Variants in EYA1 observed in about 807,000 individuals in gnomAD.
The protein encoded by EYA1 is EYA transcriptional coactivator and phosphatase 1.
In EYA1, 16 loss-of-function variants were observed where a neutral mutation model predicts 82.0. The observed-to-expected ratio is 0.20, with a 90% CI of 0.13 to 0.30. EYA1 has a LOEUF of 0.30. Ranked by LOEUF, EYA1 falls within the 10% of genes least tolerant of loss-of-function variation. The pLI, the probability that EYA1 is intolerant of heterozygous loss-of-function variation, is 1.00. For missense variants in EYA1, 633 were observed against 730.7 expected (o/e 0.87, Z 1.54); for synonymous variants, 261 against 264.4 (o/e 0.99, Z 0.12).
chr8:71,486,011 A>C (rs1467182565), intron 2 of EYA1, among the ~76,000 whole-genome samples: 1 of 152,216 alleles, frequency 6.6e-6, no homozygotes, highest in African/African-American at 2.4e-5. Context: ...AATAGAGTTT[A>C]ATTAGCACCA....
chr8:71,246,432 C>T (rs374455525), intron 11 of EYA1, among the ~76,000 whole-genome samples: 1 of 152,158 alleles, frequency 6.6e-6, no homozygotes, highest in Non-Finnish European at 1.5e-5. Flanking sequence ...GACTTTGATT[C>T]GATACTGCCC....
chr8:71,265,156 GT>G (rs1040667084), intron 11 of EYA1, among the ~76,000 whole-genome samples: 2 of 147,516 alleles, frequency 1.4e-5, no homozygotes, highest in Non-Finnish European at 3.0e-5. Flanking sequence ...TCAAGTTTTT[GT>G]TTTTGTTTTG....
chr8:71,519,470 G>C (rs991883893), intron 2 of EYA1, among the ~76,000 whole-genome samples: 1 of 151,954 alleles, frequency 6.6e-6, no homozygotes, highest in Non-Finnish European at 1.5e-5. Flanking sequence ...AAAATATAGA[G>C]AGTTGACTAA....
chr8:71,488,278 A>G (rs974588238), intron 2 of EYA1, among the ~76,000 whole-genome samples: 11 of 151,994 alleles, frequency 7.2e-5, no homozygotes, highest in African/African-American at 2.7e-4. Flanking sequence ...ATAAAAAATA[A>G]GGATATAGGA....
intron 2 of EYA1, among the ~76,000 whole-genome samples, chr8:71,385,036 G>C (rs549749405): frequency 6.6e-6 from 1 of 151,374 alleles, no homozygotes; most frequent in Non-Finnish European, 1.5e-5. Context: ...TTGAGACAGC[G>C]TCTCACTCTG....
chr8:71,368,984 C>T (rs901883900), intron 2 of EYA1, among the ~76,000 whole-genome samples: 2 of 144,678 alleles, frequency 1.4e-5, no homozygotes, highest in African/African-American at 2.6e-5. Context: ...GTCAGGAGTT[C>T]GAGACCAGCC....
At chr8:71,536,685 T>A (rs898987261) in intron 1 of EYA1, among the ~76,000 whole-genome samples, 14 of 152,338 alleles carry the variant, frequency 9.2e-5, no homozygotes, top group African/African-American at 2.9e-4. Flanking sequence ...CATGTAATTT[T>A]AAGCAAAAAG....
At chr8:71,393,444 C>G (rs559465922) in intron 2 of EYA1, among the ~76,000 whole-genome samples, 11 of 152,242 alleles carry the variant, frequency 7.2e-5, no homozygotes, top group East Asian at 1.9e-4. Context: ...ATCCCTCCCC[C>G]CTCCAACCAC....
At chr8:71,461,444 G>A (rs895148058) in intron 2 of EYA1, among the ~76,000 whole-genome samples, 5 of 152,108 alleles carry the variant, frequency 3.3e-5, no homozygotes, top group Admixed American at 2.6e-4. Context: ...CAGCTTCCAC[G>A]GCTAGCAACG....
chr8:71,529,511 A>G (rs1451721784), intron 2 of EYA1: 1 of 152,192 alleles, frequency 6.6e-6, no homozygotes, highest in Non-Finnish European at 1.5e-5. Flanking sequence ...AGGATCAGAT[A>G]TGTGCTTTCA....
At chr8:71,217,174 G>A (rs1563635122) in intron 12 of EYA1, 151 bp from the exon 13 acceptor site, 1 of 657,070 alleles carries the variant, frequency 1.5e-6, no homozygotes, top group Non-Finnish European at 2.7e-6. Flanking sequence ...TTGTAAAATT[G>A]ACATTTTTAC....
chr8:71,289,315 A>G (rs750172620), intron 9 of EYA1, among the ~76,000 whole-genome samples: 1 of 152,210 alleles, frequency 6.6e-6, no homozygotes, highest in African/African-American at 2.4e-5. Flanking sequence ...CTGCTTTTAT[A>G]ATTCAGTGAA....
intron 1 of EYA1, among the ~76,000 whole-genome samples, chr8:71,541,580 T>C (rs1359325601): frequency 6.6e-6 from 1 of 152,210 alleles, no homozygotes; most frequent in Admixed American, 6.5e-5. Flanking sequence ...TATTTTAATA[T>C]AGTACTTACT....
At chr8:71,336,054 CCTAG>C (rs149090289) in intron 3 of EYA1, among the ~76,000 whole-genome samples, 4,122 of 152,174 alleles carry the variant, frequency 0.027, 186 homozygotes, top group African/African-American at 0.094. Context: ...AGACAAACTC[CCTAG>C]TCAGTATTGT....
intron 2 of EYA1, among the ~76,000 whole-genome samples, chr8:71,526,360 G>A (rs1025830285): frequency 1.3e-5 from 2 of 151,954 alleles, no homozygotes; most frequent in African/African-American, 4.8e-5. Context: ...CAAAAATACT[G>A]ATTATCAATT....
At chr8:71,212,697 A>T (rs1195512768) in intron 16 of EYA1, among the ~76,000 whole-genome samples, 1 of 152,212 alleles carries the variant, frequency 6.6e-6, no homozygotes, top group African/African-American at 2.4e-5. Context: ...ATTCATTTTG[A>T]TGAGTCCATT....
chr8:71,306,242 AAAG>A (rs1467667020), intron 7 of EYA1, among the ~76,000 whole-genome samples: 8 of 134,304 alleles, frequency 6.0e-5, no homozygotes, highest in African/African-American at 2.2e-4. Context: ...TAAACTATCC[AAAG>A]AAGATCAGAG....
At chr8:71,366,085 A>G (rs1318053845), upstream of EYA1, among the ~76,000 whole-genome samples, 1 of 152,138 alleles carries the variant, frequency 6.6e-6, no homozygotes, top group Non-Finnish European at 1.5e-5. Flanking sequence ...ATATATTAAT[A>G]ATAACATTTA....
intron 2 of EYA1, among the ~76,000 whole-genome samples, chr8:71,458,365 A>G (rs1808115188): frequency 6.6e-6 from 1 of 152,060 alleles, no homozygotes; most frequent in Middle Eastern, 3.2e-3. Context: ...TATTTGGGTC[A>G]CAATCCTCTG....
Sources: allele counts gnomAD v4.1 joint callset (sites outside exome capture counted in the v4.1 genomes callset), GRCh38; gene constraint gnomAD v4.1.1; transcripts MANE v1.5; gene names NCBI Gene and HGNC (gene_info 2026-07-23, HGNC 2026-07-21).